GSE1: variants seen among roughly 807,000 people sequenced by gnomAD.
The protein encoded by GSE1 is Gse1 coiled-coil protein.
GSE1 carries 32 observed loss-of-function variants against 112.6 expected under a neutral mutation model. The observed-to-expected ratio is 0.28, with a 90% CI of 0.21 to 0.38. GSE1 has a LOEUF of 0.38. GSE1 is among the 10% of genes least tolerant of loss of function. The pLI, the probability that GSE1 is intolerant of heterozygous loss-of-function variation, is 1.00. For synonymous variants in GSE1, 1,115 were observed against 735.6 expected (o/e 1.52, Z -8.35); for missense variants, 2,348 against 1,699.2 (o/e 1.38, Z -6.71).
At chr16:85,543,584 T>C (rs1306434070) in intron 2 of GSE1, among the ~76,000 whole-genome samples, 1 of 152,184 alleles carries the variant, frequency 6.6e-6, no homozygotes, top group Non-Finnish European at 1.5e-5. Flanking sequence ...AGCTTATCCC[T>C]GTCTTGGAAC....
At chr16:85,492,445 G>A (rs975825255) in intron 2 of GSE1, among the ~76,000 whole-genome samples, 2 of 152,184 alleles carry the variant, frequency 1.3e-5, no homozygotes, top group African/African-American at 4.8e-5. Context: ...GATGGCAACA[G>A]CAGTAAATGC....
At chr16:85,426,392 GTGAA>G (rs1241852565) in intron 2 of GSE1, among the ~76,000 whole-genome samples, 3 of 146,998 alleles carry the variant, frequency 2.0e-5, no homozygotes, top group Admixed American at 6.8e-5. Context: ...TAGATGGTGG[GTGAA>G]TGAATGTGGA....
At chr16:85,662,675 C>G (rs996044705) in intron 9 of GSE1, 3 of 359,112 alleles carry the variant, frequency 8.4e-6, no homozygotes, top group East Asian at 5.2e-5. Flanking sequence ...GCCGTGGACA[C>G]AGCCCCAGGC....
Position 85,654,313 on chromosome 16 carries a change from A to G in GSE1, c.462A>G (p.Glu154=). 6.2e-7 allele frequency: 1 copy of G among 1,609,210 alleles called. No individual in the cohort carries two copies. Among genetic ancestry groups the G allele is most frequent in the Non-Finnish European group, 8.5e-7 (1 of 1,178,662 alleles). ...AGSRSSSGGR[E]RLIVEPPLPQ... Reference sequence around the variant, plus strand: ...CCAGGAGCAGCAGTGGAGGTCGGGAACGCCTCATTGTGGAGCCCCCGCTCC... The same window carrying G: ...CCAGGAGCAGCAGTGGAGGTCGGGAGCGCCTCATTGTGGAGCCCCCGCTCC... Residue 154 remains glutamate, a synonymous_variant, in exon 4 of 16, where the codon GAA becomes GAG. Coordinates refer to ENST00000253458, the MANE Select transcript of GSE1 (RefSeq NM_014615.5).
intron 1 of GSE1, among the ~76,000 whole-genome samples, chr16:85,278,612 C>G (rs777100875): frequency 2.6e-5 from 4 of 152,126 alleles, no homozygotes; most frequent in African/African-American, 4.8e-5. Flanking sequence ...TTAAAAATCC[C>G]AAACCAATTC....
At chr16:85,512,596 G>A (rs2051785450) in intron 2 of GSE1, among the ~76,000 whole-genome samples, 1 of 152,152 alleles carries the variant, frequency 6.6e-6, no homozygotes, top group Admixed American at 6.5e-5. Context: ...ATGGCTGATT[G>A]ATTGCTTTTC....
chr16:85,397,121 C>T (rs2047983941), intron 2 of GSE1, among the ~76,000 whole-genome samples: 3 of 152,222 alleles, frequency 2.0e-5, no homozygotes, highest in Admixed American at 2.0e-4. Context: ...TTGCCCCTGT[C>T]CCCCATCTCC....
intron 2 of GSE1, among the ~76,000 whole-genome samples, chr16:85,489,380 G>C (rs2050939692): frequency 6.6e-6 from 1 of 152,010 alleles, no homozygotes; most frequent in Non-Finnish European, 1.5e-5. Context: ...GGGGCTGGGG[G>C]GCTGCCTAGA....
chr16:85,643,463 C>CA (rs1468117163), intron 2 of GSE1, among the ~76,000 whole-genome samples: 2 of 152,210 alleles, frequency 1.3e-5, no homozygotes, highest in Non-Finnish European at 2.9e-5. Context: ...AGAAGCTCCC[C>CA]ACCCTTCACC....
intron 1 of GSE1, among the ~76,000 whole-genome samples, chr16:85,614,109 G>A (rs1293063380): frequency 6.8e-6 from 1 of 146,896 alleles, no homozygotes; most frequent in Non-Finnish European, 1.5e-5. Flanking sequence ...GCAGAAGATG[G>A]CTGCCCCAGC....
chr16:85,411,210 G>C (rs866474672), intron 2 of GSE1, among the ~76,000 whole-genome samples: 48 of 14,016 alleles, frequency 3.4e-3, no homozygotes, highest in East Asian at 5.8e-3. Flanking sequence ...TACACTCAGG[G>C]CCCCCGGATA....
intron 1 of GSE1, among the ~76,000 whole-genome samples, chr16:85,227,758 G>A (rs547746779): frequency 7.2e-5 from 11 of 152,178 alleles, no homozygotes; most frequent in East Asian, 1.9e-4. Flanking sequence ...CTGGCTCTGC[G>A]CTGGGCCCTG....
Position 85,672,605 on chromosome 16 carries a change from T to C in GSE1, c.*66T>C. ...ATTATCTATTTTATTACCTTGAATA[T>C]TTAATATTTTTCACTGGGAGGTTTG... On this transcript the variant is annotated 3_prime_UTR_variant, in exon 16 of 16. Coordinates refer to ENST00000253458, the MANE Select transcript of GSE1 (RefSeq NM_014615.5). 1 of 1,132,430 alleles carries C rather than the reference T, an allele frequency of 8.8e-7. No homozygotes were observed. 70.1% of individuals were successfully genotyped at this position (1,132,430 alleles called of 1,614,324 possible).
At chr16:85,246,506 C>A (rs1019736160) in intron 1 of GSE1, among the ~76,000 whole-genome samples, 6 of 95,564 alleles carry the variant, frequency 6.3e-5, no homozygotes, top group Non-Finnish European at 1.6e-4. Context: ...ACACACCCCC[C>A]CCCCCCCGAC....
At chr16:85,672,181 G>T (rs551583917) in intron 15 of GSE1, 5 of 543,830 alleles carry the variant, frequency 9.2e-6, no homozygotes, top group African/African-American at 1.9e-5. Context: ...TTGTTTAGTA[G>T]ATGGGGTTTC....
intron 1 of GSE1, among the ~76,000 whole-genome samples, chr16:85,304,648 G>A (rs2045624964): frequency 6.9e-6 from 1 of 144,974 alleles, no homozygotes; most frequent in South Asian, 2.2e-4. Flanking sequence ...ACCAAACCTG[G>A]TGTCAGCTGA....
At chr16:85,469,273 C>T (rs2050214445) in intron 2 of GSE1, among the ~76,000 whole-genome samples, 1 of 151,718 alleles carries the variant, frequency 6.6e-6, no homozygotes, top group African/African-American at 2.4e-5. Flanking sequence ...AAGAAGTGGG[C>T]CCGAAATTCA....
chr16:85,280,692 G>A (rs1485863800), intron 1 of GSE1, among the ~76,000 whole-genome samples: 2 of 152,140 alleles, frequency 1.3e-5, no homozygotes, highest in South Asian at 2.1e-4. Flanking sequence ...CACAGCACCC[G>A]GCCACATGGT....
At chr16:85,567,040 AC>A (rs1390347632) in intron 1 of GSE1, among the ~76,000 whole-genome samples, 5 of 108,134 alleles carry the variant, frequency 4.6e-5, no homozygotes, top group Admixed American at 2.6e-4. Context: ...TCCCGCCCCC[AC>A]CCCCACCCCC....
Sources: gnomAD v4.1 joint callset for allele counts (sites outside exome capture counted in the v4.1 genomes callset) on GRCh38, gnomAD v4.1.1 for gene constraint, MANE v1.5 for transcripts, NCBI Gene and HGNC (gene_info 2026-07-23, HGNC 2026-07-21) for gene names.